EYS: variants seen among roughly 807,000 people sequenced by gnomAD.
EYS encodes protein eyes shut homolog.
Under a neutral mutation model 282.1 loss-of-function variants are expected in EYS, and 250 were observed. That is an observed-to-expected ratio of 0.89 (90% confidence interval 0.80 to 0.98). EYS has a LOEUF of 0.98. Among genes scored for constraint, EYS ranks in the 50% least tolerant of loss-of-function variants. The probability of loss-of-function intolerance (pLI) is 0.00; values close to 1 mark genes in which losing one functional copy is unlikely to be tolerated. For synonymous variants in EYS, 1,355 were observed against 1,282.9 expected (o/e 1.06, Z -1.20); for missense variants, 4,016 against 3,709.0 (o/e 1.08, Z -2.15).
chr6:64,346,968 C>T (rs905867675), intron 29 of EYS, among the ~76,000 whole-genome samples: 8 of 151,310 alleles, frequency 5.3e-5, no homozygotes, highest in African/African-American at 7.3e-5. Flanking sequence ...ACTAAAAATG[C>T]TTAAAATAAT....
At chr6:64,761,655 C>T (rs1007638027) in intron 22 of EYS, among the ~76,000 whole-genome samples, 1 of 152,104 alleles carries the variant, frequency 6.6e-6, no homozygotes, top group African/African-American at 2.4e-5. Flanking sequence ...TGGGGTTTCA[C>T]CATGTTGGCC....
chr6:65,618,726 T>G (rs1031976905), intron 2 of EYS, among the ~76,000 whole-genome samples: 2 of 152,214 alleles, frequency 1.3e-5, no homozygotes, highest in African/African-American at 4.8e-5. Flanking sequence ...GAATTGATTT[T>G]TATATAAGGT....
chr6:64,851,972 T>A (rs4235970), intron 19 of EYS, among the ~76,000 whole-genome samples: 107,928 of 151,860 alleles, frequency 0.71, 38,732 homozygotes, highest in Admixed American at 0.76. Context: ...CGAACATAAA[T>A]TGAAAGTTTA....
chr6:65,361,578 G>A (rs1299823007), intron 8 of EYS, among the ~76,000 whole-genome samples: 2 of 151,306 alleles, frequency 1.3e-5, no homozygotes, highest in Non-Finnish European at 2.9e-5. Flanking sequence ...CCACCTCCTG[G>A]GCTCAAGTCA....
At chr6:64,931,633 C>T (rs960601895) in intron 15 of EYS, among the ~76,000 whole-genome samples, 1 of 151,948 alleles carries the variant, frequency 6.6e-6, no homozygotes, top group Non-Finnish European at 1.5e-5. Context: ...TTTTTGAAAA[C>T]AAGATCAATG....
At chr6:64,973,789 C>A (rs74363831) in intron 14 of EYS, among the ~76,000 whole-genome samples, 1 of 151,748 alleles carries the variant, frequency 6.6e-6, no homozygotes, top group African/African-American at 2.4e-5. Context: ...ATATTACCTG[C>A]ATTTTTCGTA....
intron 33 of EYS, among the ~76,000 whole-genome samples, chr6:64,054,723 ATTTCCTTAAGT>A (rs1260223898): frequency 1.3e-5 from 2 of 152,170 alleles, no homozygotes; most frequent in Non-Finnish European, 2.9e-5. Flanking sequence ...TAATTACCTA[ATTTCCTTAAGT>A]CCCAGTTTCC....
At chr6:65,078,799 G>C (rs1774136069) in intron 12 of EYS, among the ~76,000 whole-genome samples, 1 of 151,848 alleles carries the variant, frequency 6.6e-6, no homozygotes, top group African/African-American at 2.4e-5. Context: ...GGGCCTGGTG[G>C]GAGGCGTTTT....
intron 31 of EYS, among the ~76,000 whole-genome samples, chr6:64,180,256 T>G (rs569407186): frequency 6.6e-6 from 1 of 152,162 alleles, no homozygotes; most frequent in Non-Finnish European, 1.5e-5. Context: ...TAAAATAAAG[T>G]TTTATACTTT....
chr6:63,902,988 C>T (rs1316447670), intron 35 of EYS, among the ~76,000 whole-genome samples: 1 of 152,080 alleles, frequency 6.6e-6, no homozygotes, highest in African/African-American at 2.4e-5. Flanking sequence ...CTAAATGTCA[C>T]CTAGGAGAAG....
chr6:64,708,037 T>C (rs1165237269), intron 22 of EYS, among the ~76,000 whole-genome samples: 1 of 151,832 alleles, frequency 6.6e-6, no homozygotes, highest in African/African-American at 2.4e-5. Context: ...CGGATAAACA[T>C]GGGGGAGCCC....
chr6:65,515,106 C>T (rs1767071258), intron 2 of EYS, among the ~76,000 whole-genome samples: 1 of 152,102 alleles, frequency 6.6e-6, no homozygotes, highest in South Asian at 2.1e-4. Flanking sequence ...AAACAACAAA[C>T]AACCCCATCA....
chr6:65,405,402 A>T, intron 5 of EYS, 35 bp from the exon 6 acceptor site: 1 of 1,520,420 alleles, frequency 6.6e-7, no homozygotes, highest in Admixed American at 1.7e-5. Flanking sequence ...AAAAAAGAAA[A>T]GGAAGGAAGG....
chr6:64,333,193 C>T (rs1375134174), intron 29 of EYS, among the ~76,000 whole-genome samples: 1 of 152,128 alleles, frequency 6.6e-6, no homozygotes, highest in African/African-American at 2.4e-5. Flanking sequence ...TGCCTTATGA[C>T]TTCTGGTTTG....
At chr6:64,403,451 G>C (rs970688055) in intron 28 of EYS, among the ~76,000 whole-genome samples, 5 of 151,976 alleles carry the variant, frequency 3.3e-5, no homozygotes, top group Admixed American at 6.6e-5. Flanking sequence ...CCGCCTCCTG[G>C]GTTCAAGCAA....
intron 33 of EYS, among the ~76,000 whole-genome samples, chr6:64,013,639 A>G (rs749013524): frequency 1.2e-4 from 18 of 152,162 alleles, no homozygotes; most frequent in Non-Finnish European, 2.4e-4. Context: ...GGAAAGTGGC[A>G]AATGCTACAA....
At chr6:64,647,887 T>C (rs1490849028) in intron 22 of EYS, among the ~76,000 whole-genome samples, 1 of 151,532 alleles carries the variant, frequency 6.6e-6, no homozygotes. Flanking sequence ...AATGCATGAG[T>C]GCCTTCATGA....
At chr6:64,047,423 C>G (rs1316995343) in intron 33 of EYS, among the ~76,000 whole-genome samples, 2 of 152,062 alleles carry the variant, frequency 1.3e-5, no homozygotes, top group Non-Finnish European at 2.9e-5. Flanking sequence ...AATGAATAAA[C>G]AGGCTCAAAT....
At chr6:65,557,588 G>A (rs1307556302) in intron 2 of EYS, among the ~76,000 whole-genome samples, 1 of 152,142 alleles carries the variant, frequency 6.6e-6, no homozygotes, top group Non-Finnish European at 1.5e-5. Flanking sequence ...GTGGAGCTCT[G>A]AGGTCTGGGC....
Sources: allele counts gnomAD v4.1 joint callset (sites outside exome capture counted in the v4.1 genomes callset), GRCh38; gene constraint gnomAD v4.1.1; transcripts MANE v1.5; gene names NCBI Gene and HGNC (gene_info 2026-07-23, HGNC 2026-07-21).